GRK5: variants seen among roughly 807,000 people sequenced by gnomAD.
The protein encoded by GRK5 is g protein-coupled receptor kinase GRK5.
Under a neutral mutation model 78.4 loss-of-function variants are expected in GRK5, and 40 were observed. The observed-to-expected ratio is 0.51, with a 90% CI of 0.40 to 0.66. The LOEUF (loss-of-function observed/expected upper bound fraction) is 0.66. Ranked by LOEUF, GRK5 falls within the 30% of genes least tolerant of loss-of-function variation. The pLI is 0.00. For synonymous variants in GRK5, 289 were observed against 296.8 expected, an observed-to-expected ratio of 0.97 and a Z score of 0.27; for missense variants, 598 against 759.9, an observed-to-expected ratio of 0.79 and a Z score of 2.50.
At chr10:119,394,019 G>A (rs12779425) in intron 3 of GRK5, among the ~76,000 whole-genome samples, 34,159 of 146,598 alleles carry the variant, frequency 0.23, 3,810 homozygotes, top group East Asian at 0.36. Context: ...GGGGGTGCGG[G>A]TGTGTTTGTG....
intron 1 of GRK5, among the ~76,000 whole-genome samples, chr10:119,265,364 G>T (rs1358100210): frequency 6.6e-6 from 1 of 152,174 alleles, no homozygotes; most frequent in Admixed American, 6.5e-5. Flanking sequence ...TAATGTTTTT[G>T]TGCCCACACA....
Position 119,379,680 on chromosome 10 carries a change from C to T in GRK5, c.149-1135C>T, listed in dbSNP as rs10886467. ...CTGCAACATCGATGGCCTAGTGTTC[C>T]GTGCTCCAGAGAGCCTGAGACAGCA... On this transcript the variant is annotated intron_variant, in intron 2 of 15. Coordinates refer to ENST00000392870, the MANE Select transcript of GRK5 (RefSeq NM_005308.3). The surrounding 1 kb of genome is among the most constrained non-coding windows in gnomAD (Gnocchi z 4.1). 0.15 allele frequency among the ~76,000 whole-genome samples: 22,838 copies of T among 152,096 alleles called. 1,871 individuals are homozygous for T. The highest frequency in any genetic ancestry group is 0.37 in the East Asian group (1,915 of 5,166).
At chr10:119,349,847 G>A (rs1177455890) in intron 2 of GRK5, among the ~76,000 whole-genome samples, 1 of 152,234 alleles carries the variant, frequency 6.6e-6, no homozygotes. Context: ...TGCCTTTGGT[G>A]GTTGCTCATA....
At chr10:119,347,759 C>A (rs1851121490) in intron 2 of GRK5, among the ~76,000 whole-genome samples, 1 of 152,274 alleles carries the variant, frequency 6.6e-6, no homozygotes, top group Admixed American at 6.5e-5. Flanking sequence ...CTTGCTGGAC[C>A]AGTAGGCGTG....
At chr10:119,358,441 C>CA (rs1851301577) in intron 2 of GRK5, among the ~76,000 whole-genome samples, 1 of 152,166 alleles carries the variant, frequency 6.6e-6, no homozygotes, top group Non-Finnish European at 1.5e-5. Flanking sequence ...CTCATGCCTC[C>CA]ACCCAGGCCC....
chr10:119,392,399 C>G (rs965894541), intron 3 of GRK5, among the ~76,000 whole-genome samples: 1 of 152,132 alleles, frequency 6.6e-6, no homozygotes, highest in Non-Finnish European at 1.5e-5. Flanking sequence ...ATGGGTGCTC[C>G]CTGGCACCGT....
rs1849578509 is a variant in GRK5, at chr10:119,271,223, C to T, written c.53-55293C>T. Among the ~76,000 whole-genome samples the T allele has an allele frequency of 6.6e-6, 1 of 152,170 alleles. No individual in the cohort carries two copies. Among genetic ancestry groups the T allele is most frequent in the Non-Finnish European group, 1.5e-5 (1 of 68,030 alleles). ...CGTGTACAGCCACATCCTCCACGCC[C>T]TTTGGGCGCTGGTCATTCAGAGAGG... On this transcript the variant is annotated intron_variant, in intron 1 of 15. Coordinates refer to ENST00000392870, the MANE Select transcript of GRK5 (RefSeq NM_005308.3). This position sits in a 1 kb window ranked among gnomAD's most constrained non-coding sequence, Gnocchi z 4.1.
chr10:119,398,362 TG>T (rs1852092042), intron 4 of GRK5, among the ~76,000 whole-genome samples: 1 of 152,050 alleles, frequency 6.6e-6, no homozygotes, highest in African/African-American at 2.4e-5. Context: ...TGGGCTCCTA[TG>T]GTGTGCCACA....
chr10:119,350,118 C>G (rs549310848), intron 2 of GRK5, among the ~76,000 whole-genome samples: 3 of 152,212 alleles, frequency 2.0e-5, no homozygotes, highest in Non-Finnish European at 2.9e-5. Flanking sequence ...CAGGCTGGGA[C>G]GGGGCTGGAG....
intron 2 of GRK5, among the ~76,000 whole-genome samples, chr10:119,349,320 A>G (rs1404029592): frequency 6.6e-6 from 1 of 152,182 alleles, no homozygotes; most frequent in Non-Finnish European, 1.5e-5. Flanking sequence ...CATGGCTTTG[A>G]GAGGTGGCCG....
At chr10:119,313,095 GTGATGGTAA>G (rs1466072832) in intron 1 of GRK5, among the ~76,000 whole-genome samples, 1 of 148,798 alleles carries the variant, frequency 6.7e-6, no homozygotes, top group South Asian at 2.2e-4. Flanking sequence ...GGTGATGGTG[GTGATGGTAA>G]TGATGGTAGT....
chr10:119,333,778 G>A (rs781405182), intron 2 of GRK5: 14 of 532,792 alleles, frequency 2.6e-5, no homozygotes, highest in Admixed American at 3.9e-5. Context: ...GGAGCTGAGC[G>A]GATCGCTGAT....
At chr10:119,307,078 C>G (rs1392012140) in intron 1 of GRK5, among the ~76,000 whole-genome samples, 1 of 152,014 alleles carries the variant, frequency 6.6e-6, no homozygotes, top group Non-Finnish European at 1.5e-5. Context: ...TAATTGCAGC[C>G]CTTATTCACT....
intron 2 of GRK5, among the ~76,000 whole-genome samples, chr10:119,363,379 A>G (rs1477095852): frequency 3.9e-5 from 6 of 152,260 alleles, no homozygotes; most frequent in Non-Finnish European, 7.4e-5. Context: ...TAGATAGGTC[A>G]TACTATTATT....
At position 119,253,379 on chromosome 10, in the gene GRK5, C is replaced by A. The variant is rs1206717977; in HGVS notation, c.52+45410C>A. On this transcript the variant is annotated intron_variant, in intron 1 of 15. Transcript: ENST00000392870. This position sits in a 1 kb window ranked among gnomAD's most constrained non-coding sequence, Gnocchi z 5.7. Reference sequence around the variant, plus strand: ...CAGTGATCTCCACAGCCCCCTGGATCCTGCCAGGCCTGTGGAGAAGAGGGA... The same window carrying A: ...CAGTGATCTCCACAGCCCCCTGGATACTGCCAGGCCTGTGGAGAAGAGGGA... Among the ~76,000 whole-genome samples, 1 of 152,204 alleles carries A rather than the reference C, an allele frequency of 6.6e-6. No homozygotes were observed. Among genetic ancestry groups the A allele is most frequent in the East Asian group, 1.9e-4 (1 of 5,196 alleles).
At chr10:119,255,679 C>T (rs537777134) in intron 1 of GRK5, among the ~76,000 whole-genome samples, 2 of 152,372 alleles carry the variant, frequency 1.3e-5, no homozygotes, top group South Asian at 2.1e-4. Flanking sequence ...CCCGCCATGC[C>T]TGCTGCCCCC....
In GRK5 at chr10:119,458,223, C is replaced by A. The variant is rs1853429612; in HGVS notation, c.*3156C>A. ...GAGACATGGGATCTCTCAGAAGCGT[C>A]TCTGCATCTGCATTTCAGGAGATGA... On this transcript the variant is annotated 3_prime_UTR_variant, in exon 16 of 16. Coordinates refer to ENST00000392870, the MANE Select transcript of GRK5 (RefSeq NM_005308.3). The A allele has an allele frequency of 6.6e-6, 1 of 152,254 alleles. No homozygotes were observed. The allele number at this position is 152,254 out of a possible 1,614,324, so 9.4% of individuals were successfully genotyped here. A position where few individuals can be genotyped will look rare whatever the true frequency, so the allele number is the denominator to read the frequency against.
At chr10:119,453,062 G>A in intron 14 of GRK5, 83 bp from the exon 15 acceptor site, 1 of 947,300 alleles carries the variant, frequency 1.1e-6, no homozygotes, top group Non-Finnish European at 1.7e-6. Flanking sequence ...TGAGGCCAGG[G>A]GAGGGAGCCC....
chr10:119,316,494 G>A (rs1850488973), intron 1 of GRK5, among the ~76,000 whole-genome samples: 2 of 152,204 alleles, frequency 1.3e-5, no homozygotes, highest in African/African-American at 2.4e-5. Context: ...CCTGCCACAA[G>A]GGTGGGGGTC....
Sources: allele counts gnomAD v4.1 joint callset (sites outside exome capture counted in the v4.1 genomes callset), GRCh38; gene constraint gnomAD v4.1.1; non-coding constraint Gnocchi (gnomAD v3.1); transcripts MANE v1.5; gene names NCBI Gene and HGNC (gene_info 2026-07-23, HGNC 2026-07-21).